CLTA: variants seen among roughly 807,000 people sequenced by gnomAD.
CLTA encodes the protein clathrin light chain A.
CLTA carries 9 observed loss-of-function variants against 26.9 expected under a neutral mutation model. That is an observed-to-expected ratio of 0.33 (90% CI 0.20 to 0.58). The LOEUF (loss-of-function observed/expected upper bound fraction) is 0.58. Ranked by LOEUF, CLTA falls within the 20% of genes least tolerant of loss-of-function variation. CLTA has a pLI of 0.85. For missense variants in CLTA, 278 were observed against 294.2 expected (o/e 0.94, Z 0.40); for synonymous variants, 120 against 115.5 (o/e 1.04, Z -0.25).
chr9:36,201,362 C>T (rs150064221), intron 3 of CLTA, among the ~76,000 whole-genome samples: 1 of 152,148 alleles, frequency 6.6e-6, no homozygotes. Flanking sequence ...TGACCAGTAA[C>T]GAGGGTGGCC....
At chr9:36,208,154 T>C (rs1211429115) in intron 4 of CLTA, among the ~76,000 whole-genome samples, 1 of 152,176 alleles carries the variant, frequency 6.6e-6, no homozygotes, top group Non-Finnish European at 1.5e-5. Context: ...GTCTTTCCCC[T>C]TGCCCACCCC....
chr9:36,203,335 C>A (rs1357399914), intron 3 of CLTA, among the ~76,000 whole-genome samples: 5 of 152,050 alleles, frequency 3.3e-5, no homozygotes, highest in African/African-American at 1.2e-4. Context: ...TACCTCTACC[C>A]CCTGCACTTC....
chr9:36,211,334 A>G (rs147523709), intron 4 of CLTA, among the ~76,000 whole-genome samples: 3 of 152,332 alleles, frequency 2.0e-5, no homozygotes, highest in East Asian at 3.9e-4. Flanking sequence ...TTAATGCTCC[A>G]CAGGAGCAGA....
intron 4 of CLTA, among the ~76,000 whole-genome samples, chr9:36,205,317 A>C (rs1827652021): frequency 6.6e-6 from 1 of 152,138 alleles, no homozygotes; most frequent in Non-Finnish European, 1.5e-5. Context: ...TCTGGTGTGC[A>C]GGCTGGGTTG....
In CLTA at chr9:36,211,665, G is replaced by A. The variant is rs192679731; in HGVS notation, c.548G>A (p.Arg183Gln). 111 of 1,614,068 alleles carry A rather than the reference G, an allele frequency of 6.9e-5. 1 individual carries two copies. Among genetic ancestry groups the A allele is most frequent in the Non-Finnish European group, 9.3e-5 (110 of 1,179,966 alleles). ...TCGTCCCCAGGCACTGAGTGGGAAC[G>A]GGTGGCCCGGCTGTGTGACTTTAAC... ...DESSPGTEWE[R>Q]VARLCDFNPK... is the part of the protein sequence containing the mutation. The change falls in exon 5 of 5, where the codon CGG becomes CAG. Residue 183 changes from arginine (R) to glutamine (Q), a missense_variant. Transcript: ENST00000345519.
chr9:36,211,608 CAGA>C lies in CLTA; in HGVS notation c.497_499del (p.Glu166del). 8.1e-6 allele frequency: 13 copies of C among 1,609,300 alleles called. No homozygotes were observed. Among genetic ancestry groups the C allele is most frequent in the Non-Finnish European group, 1.1e-5 (13 of 1,176,578 alleles). On this transcript the variant is annotated inframe_deletion, in exon 5 of 5. Transcript: ENST00000345519. ...TATTTTGTTGTTGCTTCCAGGGCAG[CAGA>C]AGAAGCCTTTGTAAATGACATTGAC...
At chr9:36,209,245 T>C (rs1447307350) in intron 4 of CLTA, 2 of 1,613,506 alleles carry the variant, frequency 1.2e-6, no homozygotes. Flanking sequence ...CTTGCCTGCC[T>C]TTTGGACCTC....
chr9:36,203,162 A>G (rs919824233), intron 3 of CLTA, among the ~76,000 whole-genome samples: 9 of 152,036 alleles, frequency 5.9e-5, no homozygotes, highest in African/African-American at 2.2e-4. Flanking sequence ...CTCACTATCT[A>G]CTGATGTATG....
intron 4 of CLTA, among the ~76,000 whole-genome samples, chr9:36,210,816 G>C (rs1444125527): frequency 6.6e-6 from 1 of 152,148 alleles, no homozygotes; most frequent in East Asian, 1.9e-4. Context: ...CTTTTGCTTT[G>C]CCCGTGATGC....
intron 1 of CLTA, among the ~76,000 whole-genome samples, chr9:36,193,966 C>A (rs2132855442): frequency 6.6e-6 from 1 of 152,252 alleles, no homozygotes; most frequent in South Asian, 2.1e-4. Context: ...ATCATGAGGG[C>A]TGAGTCGGGG....
Position 36,198,961 on chromosome 9 carries a change from AT to A in CLTA, c.256-16del, listed in dbSNP as rs1465621774. On this transcript the variant is annotated splice_polypyrimidine_tract_variant and intron_variant, in intron 2 of 4. Coordinates refer to ENST00000345519, the MANE Select transcript of CLTA (RefSeq NM_001833.4). ...GAATTTTTGGTATTAATATAGCACA[AT>A]TGTGTTTTGTGTTAAGGAAAGTAAT... is the stretch of plus-strand genomic sequence containing the variant. 8 of 1,566,730 alleles carry A rather than the reference AT, an allele frequency of 5.1e-6. No individual in the cohort carries two copies. Among genetic ancestry groups the A allele is most frequent in the Non-Finnish European group, 7.0e-6 (8 of 1,137,162 alleles).
chr9:36,205,033 G>A (rs543601806), intron 4 of CLTA, among the ~76,000 whole-genome samples: 1 of 152,314 alleles, frequency 6.6e-6, no homozygotes, highest in Non-Finnish European at 1.5e-5. Context: ...AAGCAGGTTG[G>A]GTTAAGTGCC....
At position 36,208,546 on chromosome 9, in the gene CLTA, C is replaced by T. The variant is rs575234283; in HGVS notation, c.486-3057C>T. Reference sequence around the variant, plus strand: ...TCCCACCAGACCACTCACCTCCAGCCGTTTTTTCCTGTAAGGTTGAGATTT... The same window carrying T: ...TCCCACCAGACCACTCACCTCCAGCTGTTTTTTCCTGTAAGGTTGAGATTT... On this transcript the variant is annotated intron_variant, in intron 4 of 4. Transcript: ENST00000345519. Among the ~76,000 whole-genome samples the T allele has an allele frequency of 3.0e-4, 45 of 152,292 alleles. No homozygotes were observed. In the South Asian group the frequency reaches 9.1e-3, roughly 31 times the overall value.
At chr9:36,194,943 G>C (rs928380539) in intron 1 of CLTA, among the ~76,000 whole-genome samples, 1 of 152,214 alleles carries the variant, frequency 6.6e-6, no homozygotes, top group African/African-American at 2.4e-5. Context: ...GACAGCATGT[G>C]ATTTTTAAGG....
chr9:36,194,016 G>A (rs372538069), intron 1 of CLTA, among the ~76,000 whole-genome samples: 2 of 152,222 alleles, frequency 1.3e-5, no homozygotes, highest in South Asian at 4.2e-4. Context: ...GAGTACAGCA[G>A]TAAGGCACTA....
intron 1 of CLTA, among the ~76,000 whole-genome samples, chr9:36,195,812 A>G (rs1425324928): frequency 1.3e-5 from 2 of 151,308 alleles, no homozygotes; most frequent in Non-Finnish European, 2.9e-5. Context: ...ACTAAAAAAT[A>G]CAAAAATTAG....
At chr9:36,198,634 T>C (rs1411651948) in intron 2 of CLTA, among the ~76,000 whole-genome samples, 1 of 150,114 alleles carries the variant, frequency 6.7e-6, no homozygotes, top group Non-Finnish European at 1.5e-5. Flanking sequence ...TTGGCCAAGA[T>C]TGCGCCACTG....
intron 1 of CLTA, among the ~76,000 whole-genome samples, chr9:36,194,882 A>G (rs1291755559): frequency 6.6e-6 from 1 of 152,254 alleles, no homozygotes; most frequent in Non-Finnish European, 1.5e-5. Flanking sequence ...GCAGTAATAC[A>G]GTAACTAATA....
At chr9:36,198,720 AGC>A (rs1248222464) in intron 2 of CLTA, among the ~76,000 whole-genome samples, 1 of 149,406 alleles carries the variant, frequency 6.7e-6, no homozygotes. Context: ...AAAAAAAAAA[AGC>A]AACCACATAG....
Sources: allele counts gnomAD v4.1 joint callset (sites outside exome capture counted in the v4.1 genomes callset), GRCh38; gene constraint gnomAD v4.1.1; transcripts MANE v1.5; gene names NCBI Gene and HGNC (gene_info 2026-07-23, HGNC 2026-07-21).